Variants in ZFHX3 observed in about 807,000 individuals in gnomAD.
ZFHX3 encodes the protein zinc finger homeobox 3.
ZFHX3 carries 42 observed loss-of-function variants against 279.1 expected under a neutral mutation model. The observed-to-expected ratio is 0.15, with a 90% CI of 0.12 to 0.19. The LOEUF (loss-of-function observed/expected upper bound fraction) is 0.19. Ranked by LOEUF, ZFHX3 falls within the 10% of genes least tolerant of loss-of-function variation. The pLI is 1.00. For missense variants in ZFHX3, 4,981 were observed against 4,754.0 expected, an observed-to-expected ratio of 1.05 and a Z score of -1.40; for synonymous variants, 2,293 against 1,957.8, an observed-to-expected ratio of 1.17 and a Z score of -4.52.
At chr16:73,496,706 C>T (rs756620599) in intron 2 of ZFHX3, among the ~76,000 whole-genome samples, 60 of 152,096 alleles carry the variant, frequency 3.9e-4, no homozygotes, top group Non-Finnish European at 7.5e-4. Flanking sequence ...TTCTGTGGGG[C>T]GGGGCTTCCC....
At chr16:73,011,894 A>C (rs1041500271) in intron 1 of ZFHX3, among the ~76,000 whole-genome samples, 8 of 152,114 alleles carry the variant, frequency 5.3e-5, no homozygotes, top group Non-Finnish European at 1.5e-5. Context: ...TTCTGCACTA[A>C]TTCTGGGGCA....
intron 1 of ZFHX3, among the ~76,000 whole-genome samples, chr16:73,880,231 A>C (rs2030098627): frequency 6.6e-6 from 1 of 152,176 alleles, no homozygotes; most frequent in African/African-American, 2.4e-5. Flanking sequence ...TTTGCCATCA[A>C]AATGAAATCT....
At chr16:73,282,292 A>AT (rs2014478122) in intron 4 of ZFHX3, among the ~76,000 whole-genome samples, 1 of 152,180 alleles carries the variant, frequency 6.6e-6, no homozygotes, top group Non-Finnish European at 1.5e-5. Context: ...GGTGACTTGC[A>AT]TTTTCTGCCT....
In ZFHX3 at chr16:73,668,079, GA is replaced by G. The variant is rs1405977434; in HGVS notation, c.-1547+12100del. On this transcript the variant is annotated intron_variant, in intron 2 of 17. Coordinates refer to the ZFHX3 transcript ENST00000641206. ...CTTGAAAATGATAAGTCACCTCTAC[GA>G]AGCTTGCCAAGAGAAGGGACTCATC... Among the ~76,000 whole-genome samples the G allele has an allele frequency of 4.6e-5, 7 of 152,164 alleles. No individual in the cohort carries two copies. In the East Asian group the frequency reaches 1.4e-3, roughly 29 times the overall value.
chr16:73,461,176 G>C (rs2018464614), intron 2 of ZFHX3, among the ~76,000 whole-genome samples: 1 of 152,058 alleles, frequency 6.6e-6, no homozygotes, highest in Non-Finnish European at 1.5e-5. Context: ...ATTTTTCCAT[G>C]TGCTCATTTG....
At chr16:72,970,633 C>T (rs1962062707) in intron 1 of ZFHX3, among the ~76,000 whole-genome samples, 1 of 152,246 alleles carries the variant, frequency 6.6e-6, no homozygotes, top group African/African-American at 2.4e-5. Context: ...CAACCCCAAC[C>T]TTCACCCATC....
At chr16:73,042,672 G>A (rs1051652414) in intron 1 of ZFHX3, among the ~76,000 whole-genome samples, 2 of 152,070 alleles carry the variant, frequency 1.3e-5, no homozygotes, top group African/African-American at 2.4e-5. Flanking sequence ...AGCATCGGGC[G>A]AGGGGTCTCA....
intron 2 of ZFHX3, among the ~76,000 whole-genome samples, chr16:73,497,752 C>T (rs1342270974): frequency 1.3e-5 from 2 of 152,090 alleles, no homozygotes; most frequent in Non-Finnish European, 2.9e-5. Flanking sequence ...AAGGTTGAAA[C>T]GCTCCCAAAG....
At chr16:72,956,479 A>G (rs1487548055) in intron 2 of ZFHX3, among the ~76,000 whole-genome samples, 2 of 152,204 alleles carry the variant, frequency 1.3e-5, no homozygotes, top group African/African-American at 4.8e-5. Context: ...TTGTTTTGGC[A>G]GCAGCAGCTA....
chr16:73,407,261 G>A (rs949903009), intron 3 of ZFHX3, among the ~76,000 whole-genome samples: 2 of 152,162 alleles, frequency 1.3e-5, no homozygotes, highest in African/African-American at 4.8e-5. Context: ...GACTGTAAAT[G>A]CGGCCGCTAT....
intron 3 of ZFHX3, among the ~76,000 whole-genome samples, chr16:73,410,115 A>C (rs1344023412): frequency 6.6e-6 from 1 of 152,204 alleles, no homozygotes; most frequent in African/African-American, 2.4e-5. Context: ...TTTATTGTAC[A>C]TTCAAAAATA....
intron 1 of ZFHX3, among the ~76,000 whole-genome samples, chr16:73,681,604 T>C (rs923095783): frequency 1.3e-5 from 2 of 152,200 alleles, no homozygotes; most frequent in African/African-American, 4.8e-5. Flanking sequence ...AGCACCTTGC[T>C]AACGGCTAAG....
At chr16:73,735,909 T>TGTTTGTTTG (rs1567565769) in intron 1 of ZFHX3, among the ~76,000 whole-genome samples, 13 of 148,130 alleles carry the variant, frequency 8.8e-5, no homozygotes, top group African/African-American at 2.6e-4. Context: ...TTTTTTTTTT[T>TGTTTGTTTG]TTTTTTTAAT....
At chr16:72,840,882 C>G (rs2037329269) in intron 4 of ZFHX3, among the ~76,000 whole-genome samples, 1 of 152,212 alleles carries the variant, frequency 6.6e-6, no homozygotes, top group Non-Finnish European at 1.5e-5. Context: ...AAAAGGCTTA[C>G]ACTTTCCAAA....
chr16:73,857,584 G>A (rs764434588), intron 1 of ZFHX3, among the ~76,000 whole-genome samples: 9 of 152,148 alleles, frequency 5.9e-5, no homozygotes, highest in Non-Finnish European at 1.5e-5. Context: ...CTGAAGTCTC[G>A]TGAAACGTGG....
In ZFHX3 at chr16:73,203,252, G is replaced by A. The variant is rs565220691; in HGVS notation, c.-1104+53795C>T. On this transcript the variant is annotated intron_variant, in intron 5 of 17. Transcript: ENST00000641206. The stretch of plus-strand genomic sequence containing the variant: ...TTTGCTTACTGCCAGGCACTCAGTA[G>A]GAAGGGTGGGTGGAGAGATAAATGG... Among the ~76,000 whole-genome samples the A allele has an allele frequency of 5.9e-5, 9 of 152,312 alleles. No individual in the cohort carries two copies. The South Asian group carries it at 1.9e-3, about 32-fold the overall frequency.
chr16:72,912,425 C>T (rs1296799295), intron 3 of ZFHX3, among the ~76,000 whole-genome samples: 1 of 152,138 alleles, frequency 6.6e-6, no homozygotes, highest in Non-Finnish European at 1.5e-5. Flanking sequence ...GCTGGCCAAA[C>T]GCTGCTCTTA....
rs901712263 is a variant in ZFHX3, at chr16:73,801,163, G to A, written c.-1608+90488C>T. ...TATAGCATATGTTTTTAGTGGAATT[G>A]TTAAAAAGGGATTTGTTTATTTTCA... On this transcript the variant is annotated intron_variant, in intron 1 of 17. Transcript: ENST00000641206. Among the ~76,000 whole-genome samples, 47 of 152,172 alleles carry A rather than the reference G, an allele frequency of 3.1e-4. 1 individual carries two copies. The highest frequency in any genetic ancestry group is 2.9e-3 in the Admixed American group (45 of 15,280).
intron 1 of ZFHX3, among the ~76,000 whole-genome samples, chr16:73,883,052 C>T (rs1309514222): frequency 6.6e-6 from 1 of 150,962 alleles, no homozygotes; most frequent in African/African-American, 2.4e-5. Context: ...TAGTCTTTCA[C>T]ATCAAAAAAA....
Sources: gnomAD v4.1 joint callset for allele counts (sites outside exome capture counted in the v4.1 genomes callset) on GRCh38, gnomAD v4.1.1 for gene constraint, MANE v1.5 for transcripts, NCBI Gene and HGNC (gene_info 2026-07-23, HGNC 2026-07-21) for gene names.